Variants in DPYD observed in about 807,000 individuals in gnomAD.
DPYD encodes dihydropyrimidine dehydrogenase [NADP(+)].
DPYD carries 109 observed loss-of-function variants against 116.2 expected under a neutral mutation model. The observed-to-expected ratio is 0.94, with a 90% confidence interval of 0.80 to 1.10. DPYD has a LOEUF of 1.10. Among genes scored for constraint, DPYD ranks in the 50% least tolerant of loss-of-function variants. The probability of loss-of-function intolerance (pLI) is 0.00; values close to 1 mark genes in which losing one functional copy is unlikely to be tolerated. For missense variants in DPYD, 1,302 were observed against 1,254.5 expected, an observed-to-expected ratio of 1.04 and a Z score of -0.57; for synonymous variants, 440 against 432.0, an observed-to-expected ratio of 1.02 and a Z score of -0.23.
At chr1:97,133,307 T>C (rs1653475348) in intron 20 of DPYD, among the ~76,000 whole-genome samples, 1 of 152,124 alleles carries the variant, frequency 6.6e-6, no homozygotes, top group South Asian at 2.1e-4. Flanking sequence ...CCTTTTTTAA[T>C]TGCTTTCTGA....
chr1:97,336,121 A>C (rs939074603), intron 16 of DPYD, among the ~76,000 whole-genome samples: 1 of 152,208 alleles, frequency 6.6e-6, no homozygotes, highest in Non-Finnish European at 1.5e-5. Context: ...CAGTGTCTCC[A>C]CCTCACAGAA....
At chr1:97,718,929 A>T (rs1483918604) in intron 5 of DPYD, among the ~76,000 whole-genome samples, 1 of 151,828 alleles carries the variant, frequency 6.6e-6, no homozygotes, top group Non-Finnish European at 1.5e-5. Flanking sequence ...TGTGACTGAT[A>T]AAATCTATAC....
At chr1:97,131,659 G>A (rs1241294233) in intron 20 of DPYD, among the ~76,000 whole-genome samples, 2 of 152,102 alleles carry the variant, frequency 1.3e-5, no homozygotes, top group Non-Finnish European at 2.9e-5. Flanking sequence ...GAGCACAAAC[G>A]TCAGTCTTCA....
At chr1:97,084,771 C>G (rs1186038663) in intron 21 of DPYD, among the ~76,000 whole-genome samples, 1 of 152,162 alleles carries the variant, frequency 6.6e-6, no homozygotes, top group East Asian at 1.9e-4. Context: ...CTGTATTTAG[C>G]AAATTCTAAT....
chr1:97,848,563 G>A (rs1670419846), intron 2 of DPYD, among the ~76,000 whole-genome samples: 1 of 152,224 alleles, frequency 6.6e-6, no homozygotes, highest in African/African-American at 2.4e-5. Context: ...TAGGGCAACA[G>A]ATGTATTAGT....
rs931678077 is a variant in DPYD at position 97,187,734 on chromosome 1, A to C, written c.2622+5335T>G. ...ACATTTAAGTCTTTGATGGGTTTTG[A>C]GGGGATTTTTAAATATGGTTAGAGG... On this transcript the variant is annotated intron_variant, in intron 20 of 22. Transcript: ENST00000370192. Among the ~76,000 whole-genome samples the C allele has an allele frequency of 2.6e-5, 4 of 151,910 alleles. No individual in the cohort carries two copies. The South Asian group carries it at 6.2e-4, about 24-fold the overall frequency.
intron 6 of DPYD, among the ~76,000 whole-genome samples, chr1:97,697,342 C>G (rs1229901678): frequency 6.6e-6 from 1 of 151,994 alleles, no homozygotes; most frequent in Non-Finnish European, 1.5e-5. Flanking sequence ...AAAGATAAAA[C>G]TTGACATTAC....
At chr1:97,336,551 C>A (rs1162098353) in intron 16 of DPYD, among the ~76,000 whole-genome samples, 4 of 152,158 alleles carry the variant, frequency 2.6e-5, no homozygotes, top group Non-Finnish European at 5.9e-5. Flanking sequence ...GAGTCCAAGA[C>A]CAGCCTGGCC....
chr1:97,840,282 G>A (rs1297701026), intron 2 of DPYD, among the ~76,000 whole-genome samples: 3 of 151,848 alleles, frequency 2.0e-5, no homozygotes, highest in East Asian at 3.9e-4. Context: ...CTTAATCAAC[G>A]AAATAGGAGT....
chr1:97,454,538 A>ATATTCAG, intron 13 of DPYD, among the ~76,000 whole-genome samples: 1 of 152,026 alleles, frequency 6.6e-6, no homozygotes, highest in East Asian at 1.9e-4. Context: ...TGCATTAACG[A>ATATTCAG]TATTCAGATA....
chr1:97,250,271 A>C (rs1663000632), intron 18 of DPYD, among the ~76,000 whole-genome samples: 1 of 152,092 alleles, frequency 6.6e-6, no homozygotes, highest in Non-Finnish European at 1.5e-5. Context: ...CTCCATCTCA[A>C]AAAAATAAAA....
chr1:97,705,552 G>A (rs1395284179), intron 5 of DPYD, among the ~76,000 whole-genome samples: 3 of 151,916 alleles, frequency 2.0e-5, no homozygotes, highest in African/African-American at 7.3e-5. Context: ...ATTTGGGTTG[G>A]TTCCAAGTCT....
chr1:97,494,980 G>GT (rs774647679), intron 13 of DPYD, among the ~76,000 whole-genome samples: 33 of 152,152 alleles, frequency 2.2e-4, no homozygotes, highest in Non-Finnish European at 3.7e-4. Flanking sequence ...CCCTCAGGCA[G>GT]TTTTACCTTG....
At chr1:97,377,161 G>C (rs1037439894) in intron 15 of DPYD, among the ~76,000 whole-genome samples, 2 of 151,890 alleles carry the variant, frequency 1.3e-5, no homozygotes, top group Admixed American at 1.3e-4. Context: ...GCACAGAAGA[G>C]TTCTAGGGAG....
intron 18 of DPYD, among the ~76,000 whole-genome samples, chr1:97,302,630 T>C (rs1217644874): frequency 6.6e-6 from 1 of 151,976 alleles, no homozygotes; most frequent in Non-Finnish European, 1.5e-5. Context: ...ACTTCTTTTA[T>C]TTAACAAAAG....
chr1:97,167,651 TAACA>T (rs1391493728), intron 20 of DPYD, among the ~76,000 whole-genome samples: 1 of 152,184 alleles, frequency 6.6e-6, no homozygotes, highest in African/African-American at 2.4e-5. Flanking sequence ...GAAGAATTGC[TAACA>T]AACATTCATT....
At chr1:97,868,874 T>C (rs930241251) in intron 2 of DPYD, among the ~76,000 whole-genome samples, 2 of 151,788 alleles carry the variant, frequency 1.3e-5, no homozygotes, top group African/African-American at 4.8e-5. Context: ...GATTTTTTGG[T>C]TGTCTATATC....
intron 8 of DPYD, among the ~76,000 whole-genome samples, chr1:97,658,962 C>A (rs1470040737): frequency 2.0e-5 from 3 of 152,128 alleles, no homozygotes; most frequent in Admixed American, 6.6e-5. Flanking sequence ...CCTCTAACTT[C>A]TCTTTTCCTG....
intron 19 of DPYD, among the ~76,000 whole-genome samples, chr1:97,223,114 T>C (rs116381965): frequency 0.016 from 2,408 of 152,194 alleles, 62 homozygotes; most frequent in African/African-American, 0.054. Context: ...GTGGAAACAG[T>C]GTCATCGTGC....
Sources: allele counts gnomAD v4.1 joint callset (sites outside exome capture counted in the v4.1 genomes callset), GRCh38; gene constraint gnomAD v4.1.1; transcripts MANE v1.5; gene names NCBI Gene and HGNC (gene_info 2026-07-23, HGNC 2026-07-21).